The following LRPPRC variants were observed in gnomAD, a reference collection of about 807,000 sequenced individuals.
The protein encoded by LRPPRC is leucine rich pentatricopeptide repeat containing, also known as leucine-rich PPR motif-containing protein, mitochondrial.
Under a neutral mutation model 180.3 loss-of-function variants are expected in LRPPRC, and 120 were observed. That is an observed-to-expected ratio of 0.67 (90% confidence interval 0.57 to 0.77). The LOEUF is 0.77. LRPPRC is among the 30% of genes least tolerant of loss of function. The probability of loss-of-function intolerance (pLI) is 0.00; values close to 1 mark genes in which losing one functional copy is unlikely to be tolerated. For synonymous variants in LRPPRC, 723 were observed against 600.0 expected (o/e 1.21, Z -3.00); for missense variants, 2,012 against 1,657.2 (o/e 1.21, Z -3.72).
rs113550898 is a variant in LRPPRC at position 43,901,385 on chromosome 2, G to A, written c.3504C>T (p.Leu1168=). 22 of 1,613,846 alleles carry A rather than the reference G, an allele frequency of 1.4e-5. No individual in the cohort carries two copies. The highest frequency in any genetic ancestry group is 1.3e-5 in the African/African-American group (1 of 75,034). ...IEVVQKMLNG[L]EDSIGLSKMV... is the part of the protein sequence containing the mutation. ...TTTTTGAAAGTCCAATGGAGTCTTC[G>A]AGTCCATTTAACATCTTCTGAACTA... Residue 1168 remains leucine, a synonymous_variant, in exon 32 of 38, where the codon CTC becomes CTT. Transcript: ENST00000260665.
chr2:43,923,702 G>GT (rs796502073), intron 27 of LRPPRC, among the ~76,000 whole-genome samples: 2,305 of 137,458 alleles, frequency 0.017, 15 homozygotes, highest in African/African-American at 0.024. Context: ...GGGCTTCATA[G>GT]TTTTTTTTTT....
chr2:43,889,102 G>A (rs1670381807), intron 37 of LRPPRC, among the ~76,000 whole-genome samples: 1 of 152,110 alleles, frequency 6.6e-6, no homozygotes, highest in African/African-American at 2.4e-5. Context: ...GGATCACGAG[G>A]TCAGCAGTTC....
intron 30 of LRPPRC, among the ~76,000 whole-genome samples, chr2:43,912,085 T>G (rs1671283182): frequency 1.3e-5 from 2 of 152,178 alleles, no homozygotes; most frequent in African/African-American, 4.8e-5. Context: ...CATGGTGTCT[T>G]TGTTTTCTCA....
intron 1 of LRPPRC, among the ~76,000 whole-genome samples, chr2:43,991,408 G>A (rs1191656326): frequency 6.6e-6 from 1 of 152,092 alleles, no homozygotes; most frequent in African/African-American, 2.4e-5. Flanking sequence ...TCCAACTTTA[G>A]AAATAAAAAT....
chr2:43,910,654 C>T (rs1295606844), intron 30 of LRPPRC, among the ~76,000 whole-genome samples: 2 of 152,074 alleles, frequency 1.3e-5, no homozygotes, highest in Non-Finnish European at 2.9e-5. Context: ...GATCAGAATG[C>T]TTAAGACATG....
chr2:43,953,958 C>T (rs1673003127), intron 14 of LRPPRC, among the ~76,000 whole-genome samples: 1 of 152,096 alleles, frequency 6.6e-6, no homozygotes, highest in South Asian at 2.1e-4. Flanking sequence ...TCACTTGAGC[C>T]CAGGAATTTA....
intron 1 of LRPPRC, among the ~76,000 whole-genome samples, chr2:43,987,962 G>A (rs1674600724): frequency 6.6e-6 from 1 of 151,940 alleles, no homozygotes; most frequent in South Asian, 2.1e-4. Flanking sequence ...AGAAACAACG[G>A]GCCAGGCACG....
intron 11 of LRPPRC, among the ~76,000 whole-genome samples, chr2:43,969,579 G>T (rs996742369): frequency 2.0e-5 from 3 of 152,038 alleles, no homozygotes; most frequent in Non-Finnish European, 4.4e-5. Flanking sequence ...GCCAATATAG[G>T]AATGATGATA....
intron 3 of LRPPRC, among the ~76,000 whole-genome samples, chr2:43,979,389 C>G (rs566299983): frequency 6.6e-6 from 1 of 152,238 alleles, no homozygotes; most frequent in Admixed American, 6.5e-5. Flanking sequence ...ATCTATTTTA[C>G]GGGTACTCCA....
At chr2:43,896,998 CAAAGAAAGAGG>C (rs1472671116) in intron 34 of LRPPRC, among the ~76,000 whole-genome samples, 1 of 152,032 alleles carries the variant, frequency 6.6e-6, no homozygotes, top group Non-Finnish European at 1.5e-5. Flanking sequence ...TTTAGGACTG[CAAAGAAAGAGG>C]AAAAAAAGAA....
intron 23 of LRPPRC, among the ~76,000 whole-genome samples, chr2:43,941,260 TA>T (rs1189666783): frequency 6.6e-6 from 1 of 152,188 alleles, no homozygotes; most frequent in East Asian, 1.9e-4. Context: ...CACTGAAACT[TA>T]AAGAGATTAT....
chr2:43,889,512 CTGAGACAGACCT>C (rs1180446805), intron 37 of LRPPRC, among the ~76,000 whole-genome samples: 2 of 152,068 alleles, frequency 1.3e-5, no homozygotes, highest in African/African-American at 4.8e-5. Context: ...AGCTGAAGGT[CTGAGACAGACCT>C]TGTATTTTAA....
intron 11 of LRPPRC, among the ~76,000 whole-genome samples, chr2:43,973,061 T>C (rs1473805568): frequency 1.3e-5 from 2 of 152,212 alleles, no homozygotes; most frequent in Admixed American, 6.5e-5. Context: ...TGATAAATGC[T>C]TAAACGTACT....
intron 27 of LRPPRC, among the ~76,000 whole-genome samples, chr2:43,922,401 A>G (rs980957141): frequency 6.6e-6 from 1 of 152,218 alleles, no homozygotes; most frequent in Non-Finnish European, 1.5e-5. Flanking sequence ...TAAACGAAGG[A>G]AAGTTGCTTT....
Position 43,934,846 on chromosome 2 carries a change from A to T in LRPPRC, c.2537T>A (p.Ile846Asn). Reference protein sequence around the residue: ...GDLSTALEVAIDCYEKYKVLP... With the variant: ...GDLSTALEVANDCYEKYKVLP... ...TACTTTATACTTTTCATAGCAGTCA[A>T]TGGCGACCTCAAGAGCAGTAGATAG... The change falls in exon 24 of 38, where the codon ATT (isoleucine) becomes AAT (asparagine). Residue 846 changes from isoleucine (I) to asparagine (N), a missense_variant. Coordinates refer to ENST00000260665, the MANE Select transcript of LRPPRC (RefSeq NM_133259.4). The T allele has an allele frequency of 6.2e-7, 1 of 1,613,162 alleles. No individual in the cohort carries two copies. The highest frequency in any genetic ancestry group is 8.5e-7 in the Non-Finnish European group (1 of 1,179,218).
chr2:43,980,584 A>G (rs867984560), intron 2 of LRPPRC, among the ~76,000 whole-genome samples: 8 of 132,800 alleles, frequency 6.0e-5, no homozygotes, highest in East Asian at 2.6e-4. Context: ...GAAAGAAAGA[A>G]AGAGAGAGAG....
In LRPPRC at chr2:43,896,480, A is replaced by G. The variant is rs541298897; in HGVS notation, c.3900+154T>C. On this transcript the variant is annotated intron_variant, in intron 35 of 37. Coordinates refer to ENST00000260665, the MANE Select transcript of LRPPRC (RefSeq NM_133259.4). ...ACATTTCCAGTACAGCTAACAGACG[A>G]CAAAACTGACTCTAAGTAGAGACAA... The G allele has an allele frequency of 2.1e-5, 13 of 622,324 alleles. No individual in the cohort carries two copies. In the East Asian group the frequency reaches 3.5e-4, roughly 17 times the overall value. The allele number at this position is 622,324 out of a possible 1,614,324, so 38.6% of individuals were successfully genotyped here. A position where few individuals can be genotyped will look rare whatever the true frequency, so the allele number is the denominator to read the frequency against.
chr2:43,966,095 A>G (rs548761941), intron 11 of LRPPRC, among the ~76,000 whole-genome samples: 4 of 152,370 alleles, frequency 2.6e-5, no homozygotes, highest in African/African-American at 9.6e-5. Context: ...TGGCATATAT[A>G]CACATATAGA....
At chr2:43,932,664 G>A (rs1306244259) in intron 25 of LRPPRC, among the ~76,000 whole-genome samples, 1 of 152,124 alleles carries the variant, frequency 6.6e-6, no homozygotes, top group African/African-American at 2.4e-5. Context: ...CCTTTAAGGG[G>A]CAAAGGGAAT....
Sources: gnomAD v4.1 joint callset for allele counts (sites outside exome capture counted in the v4.1 genomes callset) on GRCh38, gnomAD v4.1.1 for gene constraint, MANE v1.5 for transcripts, NCBI Gene and HGNC (gene_info 2026-07-23, HGNC 2026-07-21) for gene names.